TRIM7: variants seen among roughly 807,000 people sequenced by gnomAD.
TRIM7 encodes the protein tripartite motif containing 7, also known as E3 ubiquitin-protein ligase TRIM7.
A neutral mutation model predicts 37.9 loss-of-function variants in TRIM7; 32 were observed. That is an observed-to-expected ratio of 0.84 (90% confidence interval 0.64 to 1.13). The LOEUF is 1.13. TRIM7 is among the 50% of genes most tolerant of loss of function. The pLI, the probability that TRIM7 is intolerant of heterozygous loss-of-function variation, is 0.00. For missense variants in TRIM7, 732 were observed against 714.0 expected, an observed-to-expected ratio of 1.03 and a Z score of -0.29; for synonymous variants, 351 against 321.3, an observed-to-expected ratio of 1.09 and a Z score of -0.99.
At position 181,195,043 on chromosome 5, in the gene TRIM7, G is replaced by T; in HGVS notation, c.*123C>A. The T allele has an allele frequency of 8.0e-7, 1 of 1,247,502 alleles. No homozygotes were observed. Among genetic ancestry groups the T allele is most frequent in the Non-Finnish European group, 1.1e-6 (1 of 904,198 alleles). 77.3% of individuals were successfully genotyped at this position (1,247,502 alleles called of 1,614,324 possible). On this transcript the variant is annotated 3_prime_UTR_variant, in exon 7 of 7. Coordinates refer to ENST00000274773, the MANE Select transcript of TRIM7 (RefSeq NM_203293.3). ...TGCCTCGGGGTTGTGTCTGTAGCAG[G>T]CTCTCTTGGGCAGCAGGGGTCAGGA... is the stretch of plus-strand genomic sequence containing the variant.
chr5:181,195,820 A>T, intron 6 of TRIM7, 143 bp from the exon 7 acceptor site: 2 of 1,014,498 alleles, frequency 2.0e-6, no homozygotes, highest in Non-Finnish European at 2.7e-6. Context: ...GGCCCAACCA[A>T]CCCCCACGCT....
Position 181,199,981 on chromosome 5 carries a change from TC to T in TRIM7, c.718del (p.Glu240AsnfsTer50). ...CTTCTGTGCCACCTCCCGGGACAGT[TC>T]CTCCAGGCGGCCTAGCAGCCGACCC... Reference protein sequence around the residue: ...QEGRLLGRLEELSREVAQKQN... With the variant: ...QEGRLLGRLEXLSREVAQKQN... On this transcript the variant is annotated frameshift_variant, in exon 3 of 7. Transcript: ENST00000274773. LOFTEE classifies it high-confidence loss of function. 6.2e-7 allele frequency: 1 copy of T among 1,614,266 alleles called. No individual in the cohort carries two copies. Among genetic ancestry groups the T allele is most frequent in the Non-Finnish European group, 8.5e-7 (1 of 1,180,056 alleles).
At position 181,195,467 on chromosome 5, in the gene TRIM7, C is replaced by CA; in HGVS notation, c.1234_1235insT (p.Gly412ValfsTer168). 6.2e-7 allele frequency: 1 copy of CA among 1,612,064 alleles called. No homozygotes were observed. Among genetic ancestry groups the CA allele is most frequent in the African/African-American group, 1.3e-5 (1 of 75,034 alleles). On this transcript the variant is annotated frameshift_variant, in exon 7 of 7. Coordinates refer to ENST00000274773, the MANE Select transcript of TRIM7 (RefSeq NM_203293.3). LOFTEE classifies it low-confidence loss of function (END_TRUNC). ...TCGGCGCACGCTCTCGCGGGCCACG[C>CA]CAAAGGCCCAGCCGTCCTTAGAGCC...
At chr5:181,203,249 C>A in intron 2 of TRIM7, 1 of 1,233,806 alleles carries the variant, frequency 8.1e-7, no homozygotes, top group Non-Finnish European at 1.0e-6. Context: ...CTTCCGCAGG[C>A]CCTAACTGGT....
chr5:181,198,393 C>A, intron 5 of TRIM7, 175 bp from the exon 6 acceptor site: 1 of 706,638 alleles, frequency 1.4e-6, no homozygotes, highest in Non-Finnish European at 2.5e-6. Context: ...GGGCCCATAC[C>A]CAAGCATTCT....
Position 181,204,696 on chromosome 5 carries a change from G to A in TRIM7, c.415C>T (p.Leu139Phe). ...RCGQHGEPFK[L>F]YCQDDGRAIC... is the part of the protein sequence containing the mutation. ...GCGCGTCCGTCGTCCTGGCAGTAGA[G>A]CTTGAAGGGTTCGCCATGCTGCCCG... The change falls in exon 1 of 7, where the codon CTC becomes TTC. Residue 139 changes from leucine to phenylalanine, a missense_variant. Coordinates refer to ENST00000274773, the MANE Select transcript of TRIM7 (RefSeq NM_203293.3). 1 of 1,503,260 alleles carries A rather than the reference G, an allele frequency of 6.7e-7. No individual in the cohort carries two copies. The highest frequency in any genetic ancestry group is 8.8e-7 in the Non-Finnish European group (1 of 1,136,444). 93.1% of individuals were successfully genotyped at this position (1,503,260 alleles called of 1,614,324 possible).
chr5:181,204,369 A>C, intron 1 of TRIM7: 19 of 1,200,070 alleles, frequency 1.6e-5, no homozygotes, highest in South Asian at 7.6e-5. Flanking sequence ...CCAGAGGGAA[A>C]CGCAGTGGGG....
At chr5:181,201,372 A>G (rs1757473768) in intron 2 of TRIM7, among the ~76,000 whole-genome samples, 3 of 152,236 alleles carry the variant, frequency 2.0e-5, no homozygotes, top group Non-Finnish European at 1.5e-5. Context: ...TGTTGCAGCA[A>G]TAGTTGGGCT....
intron 5 of TRIM7, 25 bp from the exon 6 acceptor site, chr5:181,198,243 C>T (rs755533221): frequency 1.2e-5 from 19 of 1,613,602 alleles, no homozygotes; most frequent in Middle Eastern, 1.6e-4. Context: ...CAAAGCAAGG[C>T]GTGCATGAGC....
chr5:181,204,720 C>G lies in TRIM7; in HGVS notation c.391G>C (p.Gly131Arg). ...AGCTTGAAGGGTTCGCCATGCTGCCCGCAGCGGGCAGCCGCTGCCCGGGCC... is the reference window on the plus strand; with the variant it reads ...AGCTTGAAGGGTTCGCCATGCTGCCGGCAGCGGGCAGCCGCTGCCCGGGCC... Reference protein sequence around the residue: ...AAARAAAARCGQHGEPFKLYC... With the variant: ...AAARAAAARCRQHGEPFKLYC... Residue 131 changes from glycine to arginine, a missense_variant, in exon 1 of 7, where the codon GGG becomes CGG. Coordinates refer to ENST00000274773, the MANE Select transcript of TRIM7 (RefSeq NM_203293.3). 1 of 1,480,664 alleles carries G rather than the reference C, an allele frequency of 6.8e-7. No individual in the cohort carries two copies. The highest frequency in any genetic ancestry group is 8.9e-7 in the Non-Finnish European group (1 of 1,125,276). 91.7% of individuals were successfully genotyped at this position (1,480,664 alleles called of 1,614,324 possible).
At chr5:181,200,838 G>A in intron 2 of TRIM7, 3 of 985,568 alleles carry the variant, frequency 3.0e-6, no homozygotes, top group African/African-American at 3.5e-5. Context: ...AAACTCCTGG[G>A]CGGAGGAAGG....
At chr5:181,198,042 G>T in intron 6 of TRIM7, 141 bp downstream of exon 6, 1 of 775,238 alleles carries the variant, frequency 1.3e-6, no homozygotes. Flanking sequence ...TGGTGTGGGG[G>T]AGGGGACAGA....
chr5:181,200,679 A>G (rs1757429225), intron 2 of TRIM7: 1 of 997,024 alleles, frequency 1.0e-6, no homozygotes, highest in Admixed American at 5.3e-5. Flanking sequence ...GCGGCATGCA[A>G]GTGTCATATT....
intron 6 of TRIM7, 145 bp downstream of exon 6, chr5:181,198,038 G>A (rs914128014): frequency 1.3e-6 from 1 of 752,542 alleles, no homozygotes; most frequent in Admixed American, 2.3e-5. Context: ...GGGGTGGTGT[G>A]GGGGAGGGGA....
At chr5:181,204,542 G>C (rs1473110603) in intron 1 of TRIM7, 47 bp downstream of exon 1, 2 of 1,311,490 alleles carry the variant, frequency 1.5e-6, no homozygotes, top group African/African-American at 3.8e-5. Flanking sequence ...GCGGGACCAA[G>C]TCAGGGGGTC....
intron 2 of TRIM7, 103 bp downstream of exon 2, chr5:181,203,442 C>T (rs1363042160): frequency 3.2e-6 from 5 of 1,542,898 alleles, no homozygotes; most frequent in Admixed American, 2.2e-5. Flanking sequence ...ATCGATTCTG[C>T]GGTTCCATAG....
At chr5:181,200,902 C>T in intron 2 of TRIM7, 2 of 985,550 alleles carry the variant, frequency 2.0e-6, no homozygotes, top group Non-Finnish European at 2.4e-6. Context: ...ATGCCCCCAC[C>T]TTTCCTTCAG....
chr5:181,198,952 TG>T, intron 4 of TRIM7, 142 bp downstream of exon 4: 1 of 1,232,660 alleles, frequency 8.1e-7, no homozygotes, highest in Non-Finnish European at 1.2e-6. Flanking sequence ...GCCAGGCAGG[TG>T]GGCGTTTGTC....
Position 181,204,775 on chromosome 5 carries a change from G to C in TRIM7, c.336C>G (p.Ala112=). ...LLRRFSLPAA[A]PGEHGSQAAA... ...CCGCCTGAGACCCGTGCTCTCCCGG[G>C]GCAGCCGCGGGCAGGCTGAAGCGCC... Residue 112 remains alanine (A), a synonymous_variant, in exon 1 of 7, where the codon GCC becomes GCG. Transcript: ENST00000274773. 1 of 1,432,552 alleles carries C rather than the reference G, an allele frequency of 7.0e-7. No individual in the cohort carries two copies. The highest frequency in any genetic ancestry group is 9.1e-7 in the Non-Finnish European group (1 of 1,101,964). 88.7% of individuals were successfully genotyped at this position (1,432,552 alleles called of 1,614,324 possible). A position where few individuals can be genotyped will look rare whatever the true frequency, so the allele number is the denominator to read the frequency against.
Sources: allele counts gnomAD v4.1 joint callset (sites outside exome capture counted in the v4.1 genomes callset), GRCh38; gene constraint gnomAD v4.1.1; transcripts MANE v1.5; gene names NCBI Gene and HGNC (gene_info 2026-07-23, HGNC 2026-07-21).